Variants in FAT3 observed in about 807,000 individuals in gnomAD.
FAT3 encodes the protein protocadherin Fat 3.
In FAT3, 95 loss-of-function variants were observed where a neutral mutation model predicts 310.2. The ratio of observed to expected loss-of-function variants is 0.31; its 90% confidence interval spans 0.26 to 0.36. The LOEUF is 0.36. Among genes scored for constraint, FAT3 ranks in the 10% least tolerant of loss-of-function variants. FAT3 has a pLI of 1.00. For missense variants in FAT3, 5,408 were observed against 5,715.6 expected, an observed-to-expected ratio of 0.95 and a Z score of 1.74; for synonymous variants, 2,314 against 2,192.9, an observed-to-expected ratio of 1.06 and a Z score of -1.54.
At chr11:92,561,972 A>G (rs1955243282) in intron 3 of FAT3, among the ~76,000 whole-genome samples, 1 of 152,146 alleles carries the variant, frequency 6.6e-6, no homozygotes, top group African/African-American at 2.4e-5. Flanking sequence ...TCTCCTGCTC[A>G]TGAAGTAGGA....
intron 3 of FAT3, among the ~76,000 whole-genome samples, chr11:92,643,562 A>T (rs905243564): frequency 6.6e-6 from 1 of 152,224 alleles, no homozygotes; most frequent in African/African-American, 2.4e-5. Context: ...TGCTTCCAAC[A>T]AGGAGGATGA....
chr11:92,644,372 A>G (rs922734706), intron 3 of FAT3, among the ~76,000 whole-genome samples: 3 of 152,186 alleles, frequency 2.0e-5, no homozygotes, highest in African/African-American at 4.8e-5. Context: ...TTGAGATGTC[A>G]AGCCAACATC....
At chr11:92,732,890 G>A (rs1053247909) in intron 4 of FAT3, among the ~76,000 whole-genome samples, 1 of 152,198 alleles carries the variant, frequency 6.6e-6, no homozygotes, top group East Asian at 1.9e-4. Context: ...TCACAGAGCA[G>A]GTGTGCTTCA....
intron 4 of FAT3, among the ~76,000 whole-genome samples, chr11:92,752,884 G>A (rs535198491): frequency 3.9e-5 from 6 of 152,108 alleles, no homozygotes; most frequent in Non-Finnish European, 7.4e-5. Flanking sequence ...CTGGTATATG[G>A]GAAAACATCT....
At chr11:92,570,677 C>A (rs115138512) in intron 3 of FAT3, among the ~76,000 whole-genome samples, 2,006 of 152,216 alleles carry the variant, frequency 0.013, 53 homozygotes, top group African/African-American at 0.046. Flanking sequence ...ACATTGCCAG[C>A]CTTCAAGGGA....
At chr11:92,696,553 C>A (rs1943947960) in intron 3 of FAT3, among the ~76,000 whole-genome samples, 1 of 152,076 alleles carries the variant, frequency 6.6e-6, no homozygotes, top group Non-Finnish European at 1.5e-5. Flanking sequence ...TCAGCATATA[C>A]CAGGAAAACA....
At chr11:92,795,636 C>G (rs958607042) in intron 9 of FAT3, among the ~76,000 whole-genome samples, 2 of 152,072 alleles carry the variant, frequency 1.3e-5, no homozygotes, top group Admixed American at 1.3e-4. Flanking sequence ...TGAGGCCAGG[C>G]ACAGTGGCTC....
At chr11:92,770,208 G>T (rs12224486) in intron 6 of FAT3, among the ~76,000 whole-genome samples, 1 of 152,000 alleles carries the variant, frequency 6.6e-6, no homozygotes, top group East Asian at 1.9e-4. Flanking sequence ...CATAGCAACA[G>T]TCTGGTCCAT....
chr11:92,602,349 C>T (rs905179708), intron 3 of FAT3, among the ~76,000 whole-genome samples: 1 of 152,112 alleles, frequency 6.6e-6, no homozygotes, highest in African/African-American at 2.4e-5. Context: ...GTGATCCGCC[C>T]ACCTGGGCCT....
intron 1 of FAT3, among the ~76,000 whole-genome samples, chr11:92,251,394 T>G (rs1204333630): frequency 6.6e-6 from 1 of 152,124 alleles, no homozygotes; most frequent in Non-Finnish European, 1.5e-5. Flanking sequence ...TTGTCTTAAT[T>G]TCTTTAGGAA....
chr11:92,348,440 G>C (rs939016395), intron 1 of FAT3, among the ~76,000 whole-genome samples: 1 of 152,180 alleles, frequency 6.6e-6, no homozygotes, highest in African/African-American at 2.4e-5. Flanking sequence ...TATTATGATA[G>C]CATTCTTTGC....
intron 3 of FAT3, among the ~76,000 whole-genome samples, chr11:92,676,699 A>T (rs1943299605): frequency 6.6e-6 from 1 of 152,210 alleles, no homozygotes; most frequent in South Asian, 2.1e-4. Context: ...CAATTACGGG[A>T]TGGCTGGAGA....
chr11:92,867,303 C>G, intron 22 of FAT3, 94 bp downstream of exon 22: 3 of 1,272,960 alleles, frequency 2.4e-6, no homozygotes, highest in Non-Finnish European at 3.2e-6. Context: ...CGCAAGGACT[C>G]TACTAGAGAG....
chr11:92,867,345 T>A (rs746497908), intron 22 of FAT3, 136 bp downstream of exon 22: 57 of 931,682 alleles, frequency 6.1e-5, no homozygotes, highest in Non-Finnish European at 8.3e-5. Flanking sequence ...TCGCCAACCT[T>A]CTTAATCTGC....
intron 2 of FAT3, among the ~76,000 whole-genome samples, chr11:92,419,373 A>G (rs1450676057): frequency 2.0e-5 from 3 of 152,116 alleles, no homozygotes; most frequent in Admixed American, 2.0e-4. Context: ...CTTCTGGGGA[A>G]CCTTGTAATA....
chr11:92,796,905 C>G (rs946355401), intron 9 of FAT3, among the ~76,000 whole-genome samples: 1 of 152,178 alleles, frequency 6.6e-6, no homozygotes, highest in African/African-American at 2.4e-5. Flanking sequence ...AGTGTCATGG[C>G]CAGAGCCCTT....
intron 3 of FAT3, among the ~76,000 whole-genome samples, chr11:92,558,421 T>TGTGTGTGTGTGC (rs1209068560): frequency 9.2e-5 from 14 of 152,172 alleles, no homozygotes; most frequent in African/African-American, 3.1e-4. Flanking sequence ...TGTGTGTGTG[T>TGTGTGTGTGTGC]GTATGCACGT....
chr11:92,623,235 G>A (rs1288719769), intron 3 of FAT3, among the ~76,000 whole-genome samples: 1 of 152,186 alleles, frequency 6.6e-6, no homozygotes, highest in Non-Finnish European at 1.5e-5. Context: ...GATGAAGAAG[G>A]TATGCTTCCC....
At chr11:92,465,721 G>A (rs1423453831) in intron 2 of FAT3, among the ~76,000 whole-genome samples, 7 of 152,228 alleles carry the variant, frequency 4.6e-5, no homozygotes, top group African/African-American at 1.7e-4. Context: ...CATGGGGTGG[G>A]GGGCAGGCAG....
Sources: gnomAD v4.1 joint callset for allele counts (sites outside exome capture counted in the v4.1 genomes callset) on GRCh38, gnomAD v4.1.1 for gene constraint, MANE v1.5 for transcripts, NCBI Gene and HGNC (gene_info 2026-07-23, HGNC 2026-07-21) for gene names.